Variants in ACTN2 observed in about 807,000 individuals in gnomAD.
The protein encoded by ACTN2 is actinin alpha 2.
In ACTN2, 39 loss-of-function variants were observed where a neutral mutation model predicts 113.8. That is an observed-to-expected ratio of 0.34 (90% CI 0.27 to 0.45). The LOEUF is 0.45. ACTN2 is among the 20% of genes least tolerant of loss of function. The pLI, the probability that ACTN2 is intolerant of heterozygous loss-of-function variation, is 1.00. For missense variants in ACTN2, 992 were observed against 1,177.9 expected (o/e 0.84, Z 2.31); for synonymous variants, 429 against 444.1 (o/e 0.97, Z 0.43).
chr1:236,742,758 G>A, intron 10 of ACTN2, 138 bp from the exon 11 acceptor site: 1 of 1,007,188 alleles, frequency 9.9e-7, no homozygotes, highest in Non-Finnish European at 1.5e-6. Context: ...TTGAGGTGGG[G>A]GGTAAGGAAG....
intron 2 of ACTN2, among the ~76,000 whole-genome samples, chr1:236,718,546 C>CT (rs1658289161): frequency 6.6e-6 from 1 of 152,190 alleles, no homozygotes; most frequent in Non-Finnish European, 1.5e-5. Context: ...ACTGGCCATC[C>CT]TGACTTCCTC....
At chr1:236,718,194 A>G (rs534825370) in intron 2 of ACTN2, among the ~76,000 whole-genome samples, 1 of 152,362 alleles carries the variant, frequency 6.6e-6, no homozygotes, top group African/African-American at 2.4e-5. Flanking sequence ...AATAATGTTT[A>G]TACCACCAAG....
rs148954170 is a variant in ACTN2, at chr1:236,725,992, A to C, written c.508A>C (p.Asn170His). ...TCAGAGGAAAACTGCTCCTTATAGA[A>C]ATGTGAACATTCAGAACTTCCATAC... ...WCQRKTAPYR[N>H]VNIQNFHTSW... Residue 170 changes from asparagine to histidine, a missense_variant, in exon 5 of 21, where the codon AAT becomes CAT. Physicochemically the swap from Asn to His is moderately conservative, Grantham distance 68. This residue lies in a region of ACTN2 where 220 missense variants were observed against 337.5 expected (regional missense o/e 0.65). Coordinates refer to ENST00000366578, the MANE Select transcript of ACTN2 (RefSeq NM_001103.4). 2 of 1,614,014 alleles carry C rather than the reference A, an allele frequency of 1.2e-6. No homozygotes were observed. Among genetic ancestry groups the C allele is most frequent in the African/African-American group, 2.7e-5 (2 of 74,906 alleles).
intron 1 of ACTN2, among the ~76,000 whole-genome samples, chr1:236,707,954 A>C (rs1313900327): frequency 2.7e-5 from 4 of 150,714 alleles, no homozygotes; most frequent in Non-Finnish European, 4.4e-5. Flanking sequence ...CTCGTGATCC[A>C]CCCGCCTCGG....
At chr1:236,733,548 C>A (rs1215632521) in intron 7 of ACTN2, among the ~76,000 whole-genome samples, 1 of 152,212 alleles carries the variant, frequency 6.6e-6, no homozygotes, top group Non-Finnish European at 1.5e-5. Context: ...TGCTCACACG[C>A]TGTATTATTA....
intron 1 of ACTN2, among the ~76,000 whole-genome samples, chr1:236,716,694 A>G (rs915834990): frequency 3.3e-5 from 5 of 151,966 alleles, no homozygotes; most frequent in African/African-American, 1.2e-4. Flanking sequence ...AAATTTGTTT[A>G]ATTGATTTAA....
intron 1 of ACTN2, among the ~76,000 whole-genome samples, chr1:236,699,195 A>G (rs1657604058): frequency 2.0e-5 from 3 of 152,352 alleles, no homozygotes; most frequent in Non-Finnish European, 2.9e-5. Context: ...AACCCAGAGC[A>G]GAAGCCTGGG....
chr1:236,704,440 G>T (rs772043635), intron 1 of ACTN2, among the ~76,000 whole-genome samples: 6 of 152,104 alleles, frequency 3.9e-5, no homozygotes, highest in Non-Finnish European at 7.4e-5. Flanking sequence ...GATAGCACCG[G>T]ATCCCACAGG....
chr1:236,733,283 G>C (rs10925208), intron 7 of ACTN2, among the ~76,000 whole-genome samples: 1 of 152,134 alleles, frequency 6.6e-6, no homozygotes, highest in South Asian at 2.1e-4. Flanking sequence ...TGCCTCCCTA[G>C]TATCCTAAAC....
chr1:236,740,725 G>C (rs982285273), intron 10 of ACTN2, among the ~76,000 whole-genome samples: 2 of 151,640 alleles, frequency 1.3e-5, no homozygotes, highest in Non-Finnish European at 2.9e-5. Context: ...TAGAGGTGGG[G>C]TTTCACCATA....
chr1:236,750,940 T>A (rs1659374485), intron 14 of ACTN2, among the ~76,000 whole-genome samples: 1 of 151,112 alleles, frequency 6.6e-6, no homozygotes, highest in Non-Finnish European at 1.5e-5. Context: ...GATAAAAAAA[T>A]TAGCCAGGCA....
chr1:236,701,338 A>G (rs1294606934), intron 1 of ACTN2, among the ~76,000 whole-genome samples: 1 of 152,122 alleles, frequency 6.6e-6, no homozygotes, highest in East Asian at 1.9e-4. Flanking sequence ...AAAAATGGAA[A>G]CATTGGTGAA....
chr1:236,753,014 C>A (rs906102329), intron 15 of ACTN2, among the ~76,000 whole-genome samples: 1 of 152,070 alleles, frequency 6.6e-6, no homozygotes, highest in East Asian at 1.9e-4. Flanking sequence ...TTTTTCTCTT[C>A]CATTGATTGA....
At chr1:236,759,557 T>C (rs1659644335) in intron 18 of ACTN2, among the ~76,000 whole-genome samples, 167 bp from the exon 19 acceptor site, 3 of 152,202 alleles carry the variant, frequency 2.0e-5, no homozygotes, top group Admixed American at 2.0e-4. Flanking sequence ...GAAACTAGTT[T>C]GTAACATCCT....
rs1216776654 is a variant in ACTN2 at position 236,764,475 on chromosome 1, C to T, written c.*1856C>T. ...CAGCAAGAGAGGGGGTCAGTAGTCTCTATCTGCTAATAAATGAAGAAAGGA... is the reference window on the plus strand; with the variant it reads ...CAGCAAGAGAGGGGGTCAGTAGTCTTTATCTGCTAATAAATGAAGAAAGGA... On this transcript the variant is annotated 3_prime_UTR_variant, in exon 21 of 21. Coordinates refer to ENST00000366578, the MANE Select transcript of ACTN2 (RefSeq NM_001103.4). 6.6e-6 allele frequency: 1 copy of T among 152,064 alleles called. No homozygotes were observed. The highest frequency in any genetic ancestry group is 1.5e-5 in the Non-Finnish European group (1 of 68,020). The allele number at this position is 152,064 out of a possible 1,614,324, so 9.4% of individuals were successfully genotyped here.
chr1:236,723,478 T>A (rs1658460194), intron 4 of ACTN2, among the ~76,000 whole-genome samples: 2 of 152,188 alleles, frequency 1.3e-5, no homozygotes, highest in African/African-American at 2.4e-5. Flanking sequence ...TGTTTTGTTT[T>A]GTTTGAGACA....
At chr1:236,697,747 C>CACGAA (rs1414523035) in intron 1 of ACTN2, among the ~76,000 whole-genome samples, 1 of 149,966 alleles carries the variant, frequency 6.7e-6, no homozygotes, top group Non-Finnish European at 1.5e-5. Context: ...TCTTTTAGCT[C>CACGAA]ACGAAACAAG....
At chr1:236,712,608 A>G (rs1323538405) in intron 1 of ACTN2, among the ~76,000 whole-genome samples, 3 of 152,180 alleles carry the variant, frequency 2.0e-5, no homozygotes, top group Non-Finnish European at 4.4e-5. Context: ...GCAGTGAGCC[A>G]TGATAGCACC....
chr1:236,709,255 T>TATATATATATATATACACAC (rs796606511), intron 1 of ACTN2, among the ~76,000 whole-genome samples: 2 of 68,900 alleles, frequency 2.9e-5, no homozygotes, highest in African/African-American at 5.3e-5. Flanking sequence ...TATATATATA[T>TATATATATATATATACACAC]ACACACACAC....
Sources: allele counts gnomAD v4.1 joint callset (sites outside exome capture counted in the v4.1 genomes callset), GRCh38; gene constraint gnomAD v4.1.1; regional missense constraint gnomAD v4.1.1; transcripts MANE v1.5; gene names NCBI Gene and HGNC (gene_info 2026-07-23, HGNC 2026-07-21).